Variants in KIAA1217 observed in about 807,000 individuals in gnomAD.
KIAA1217 encodes the protein KIAA1217.
A neutral mutation model predicts 163.9 loss-of-function variants in KIAA1217; 88 were observed. That is an observed-to-expected ratio of 0.54 (90% CI 0.45 to 0.64). The LOEUF (loss-of-function observed/expected upper bound fraction) is 0.64. Among genes scored for constraint, KIAA1217 ranks in the 30% least tolerant of loss-of-function variants. The pLI is 0.00. For synonymous variants in KIAA1217, 903 were observed against 923.1 expected, an observed-to-expected ratio of 0.98 and a Z score of 0.39; for missense variants, 2,372 against 2,475.0, an observed-to-expected ratio of 0.96 and a Z score of 0.88.
intron 1 of KIAA1217, among the ~76,000 whole-genome samples, chr10:23,855,035 G>T (rs1839577024): frequency 1.3e-5 from 2 of 152,226 alleles, no homozygotes; most frequent in Admixed American, 6.5e-5. Flanking sequence ...ATATTGTTAT[G>T]TGTGAATTTG....
intron 2 of KIAA1217, among the ~76,000 whole-genome samples, chr10:24,148,213 G>C (rs1035351227): frequency 6.6e-6 from 1 of 152,068 alleles, no homozygotes; most frequent in Non-Finnish European, 1.5e-5. Context: ...ACTATGAATA[G>C]ATTTAAAATT....
intron 2 of KIAA1217, among the ~76,000 whole-genome samples, chr10:24,370,756 T>C (rs2051524137): frequency 6.6e-6 from 1 of 152,056 alleles, no homozygotes; most frequent in African/African-American, 2.4e-5. Context: ...CTAATTTTCA[T>C]GTTGGTTTTT....
intron 2 of KIAA1217, among the ~76,000 whole-genome samples, chr10:24,144,465 G>A (rs923182449): frequency 2.6e-5 from 4 of 152,168 alleles, no homozygotes; most frequent in Non-Finnish European, 4.4e-5. Flanking sequence ...ATGCTTTCAT[G>A]GCTGATTGCA....
chr10:24,184,895 A>C (rs893759035), intron 2 of KIAA1217, among the ~76,000 whole-genome samples: 3 of 152,242 alleles, frequency 2.0e-5, no homozygotes, highest in African/African-American at 7.2e-5. Context: ...GTACAGGGAC[A>C]CAAAACTATA....
intron 1 of KIAA1217, among the ~76,000 whole-genome samples, chr10:23,748,231 A>G (rs766883164): frequency 3.3e-5 from 5 of 152,070 alleles, no homozygotes; most frequent in Admixed American, 6.6e-5. Flanking sequence ...TAGTGAACAA[A>G]AGTCCTTTCC....
At chr10:24,309,543 G>C (rs547340740) in intron 2 of KIAA1217, among the ~76,000 whole-genome samples, 1 of 152,110 alleles carries the variant, frequency 6.6e-6, no homozygotes, top group South Asian at 2.1e-4. Flanking sequence ...AACCCTCTGC[G>C]TCATACCCTT....
chr10:23,851,470 C>T (rs1238813166), intron 1 of KIAA1217, among the ~76,000 whole-genome samples: 1 of 152,176 alleles, frequency 6.6e-6, no homozygotes, highest in African/African-American at 2.4e-5. Context: ...CCACAATAAA[C>T]ATATGTGTGC....
chr10:23,946,703 T>C (rs1844065106), intron 1 of KIAA1217, among the ~76,000 whole-genome samples: 1 of 152,228 alleles, frequency 6.6e-6, no homozygotes, highest in South Asian at 2.1e-4. Context: ...ATAAAAACTC[T>C]TCAAGAGCCC....
chr10:24,125,723 C>G (rs2063451762), intron 2 of KIAA1217, among the ~76,000 whole-genome samples: 1 of 151,980 alleles, frequency 6.6e-6, no homozygotes, highest in African/African-American at 2.4e-5. Context: ...AAAATTGAGT[C>G]CATTAGGCTT....
chr10:23,934,571 A>ATGTGTGTGTGTGTG (rs1843406355), intron 1 of KIAA1217, among the ~76,000 whole-genome samples: 1 of 76,688 alleles, frequency 1.3e-5, no homozygotes, highest in East Asian at 2.7e-4. Context: ...ATATATATAT[A>ATGTGTGTGTGTGTG]TATATATATA....
intron 1 of KIAA1217, chr10:23,877,332 A>G (rs535029426): frequency 2.6e-4 from 40 of 152,110 alleles, no homozygotes; most frequent in African/African-American, 8.4e-4. Context: ...ACAGGATTTC[A>G]TATCTGCAGG....
chr10:24,349,639 T>A (rs1241687870), intron 2 of KIAA1217, among the ~76,000 whole-genome samples: 1 of 152,140 alleles, frequency 6.6e-6, no homozygotes, highest in Non-Finnish European at 1.5e-5. Flanking sequence ...AACCTGAGGC[T>A]ATGGTGTGCT....
At chr10:24,146,558 C>T (rs1284190214) in intron 2 of KIAA1217, among the ~76,000 whole-genome samples, 5 of 152,108 alleles carry the variant, frequency 3.3e-5, no homozygotes, top group African/African-American at 7.2e-5. Context: ...TGGTGGAACA[C>T]GCCTGCAGTC....
intron 1 of KIAA1217, among the ~76,000 whole-genome samples, chr10:23,883,073 A>T (rs1272878501): frequency 6.6e-6 from 1 of 151,888 alleles, no homozygotes; most frequent in African/African-American, 2.4e-5. Context: ...TGTTAAAAAC[A>T]ATACAAAGGA....
chr10:24,269,478 C>T (rs976606779), intron 2 of KIAA1217, among the ~76,000 whole-genome samples: 2 of 152,098 alleles, frequency 1.3e-5, no homozygotes, highest in Non-Finnish European at 2.9e-5. Flanking sequence ...GAGCCATGAC[C>T]GTGCCACTGT....
chr10:23,786,838 G>A (rs1379066341), intron 1 of KIAA1217, among the ~76,000 whole-genome samples: 1 of 152,042 alleles, frequency 6.6e-6, no homozygotes, highest in African/African-American at 2.4e-5. Flanking sequence ...TCAGAAGTCT[G>A]AACTCCTCTA....
intron 1 of KIAA1217, among the ~76,000 whole-genome samples, chr10:23,984,313 C>G (rs1015444324): frequency 9.9e-5 from 15 of 152,274 alleles, no homozygotes; most frequent in Non-Finnish European, 2.1e-4. Flanking sequence ...TCCTATAGGT[C>G]TTTTTACAGC....
rs541586788 is a variant in KIAA1217, at chr10:24,436,688, G to A, written c.753-1698G>A. Among the ~76,000 whole-genome samples the A allele has an allele frequency of 2.9e-5, 4 of 139,026 alleles. No individual in the cohort carries two copies. In the East Asian group the frequency reaches 8.5e-4, roughly 30 times the overall value. 91.2% of individuals were successfully genotyped at this position (139,026 alleles called of 152,430 possible). ...CAGGAGAATGCTGTGAACCCGGGAA[G>A]CGGAACTCACAGTGAGCCGAGACGG... is the stretch of plus-strand genomic sequence containing the variant. On this transcript the variant is annotated intron_variant, in intron 4 of 20. Coordinates refer to ENST00000376454, the MANE Select transcript of KIAA1217 (RefSeq NM_019590.5).
chr10:24,301,573 A>G (rs529282041), intron 2 of KIAA1217, among the ~76,000 whole-genome samples: 8 of 151,990 alleles, frequency 5.3e-5, no homozygotes, highest in Admixed American at 3.3e-4. Context: ...CCAAACCCCA[A>G]CCATCTCCAC....
Sources: gnomAD v4.1 joint callset for allele counts (sites outside exome capture counted in the v4.1 genomes callset) on GRCh38, gnomAD v4.1.1 for gene constraint, MANE v1.5 for transcripts, NCBI Gene and HGNC (gene_info 2026-07-23, HGNC 2026-07-21) for gene names.